The following SLC25A13 variants were observed in gnomAD, a reference collection of about 807,000 sequenced individuals.
SLC25A13 encodes electrogenic aspartate/glutamate antiporter SLC25A13, mitochondrial.
SLC25A13 carries 70 observed loss-of-function variants against 85.5 expected under a neutral mutation model. The observed-to-expected ratio is 0.82, with a 90% confidence interval of 0.68 to 1.00. SLC25A13 has a LOEUF of 1.00. Ranked by LOEUF, SLC25A13 falls within the 50% of genes least tolerant of loss-of-function variation. SLC25A13 has a pLI of 0.00. For synonymous variants in SLC25A13, 259 were observed against 288.7 expected (o/e 0.90, Z 1.04); for missense variants, 765 against 819.8 (o/e 0.93, Z 0.82).
chr7:96,297,865 C>G (rs1223171054), intron 1 of SLC25A13, among the ~76,000 whole-genome samples: 3 of 152,116 alleles, frequency 2.0e-5, no homozygotes, highest in African/African-American at 7.2e-5. Flanking sequence ...CTTTGAAGAG[C>G]AAAAATTGAC....
intron 1 of SLC25A13, among the ~76,000 whole-genome samples, chr7:96,298,497 AGTCT>A (rs2116998521): frequency 6.6e-6 from 1 of 151,898 alleles, no homozygotes; most frequent in African/African-American, 2.4e-5. Context: ...GCAATGATGC[AGTCT>A]TAGCTCACTG....
Position 96,322,047 on chromosome 7 carries a change from G to T in SLC25A13, c.-91C>A. On this transcript the variant is annotated 5_prime_UTR_variant, in exon 1 of 18. Transcript: ENST00000265631. Reference sequence around the variant, plus strand: ...CGGCTCACTTCTAGTCCCGGCGGCGGCGGCGGTGGGGGCGGCGATACGGCC... The same window carrying T: ...CGGCTCACTTCTAGTCCCGGCGGCGTCGGCGGTGGGGGCGGCGATACGGCC... 6.7e-7 allele frequency: 1 copy of T among 1,494,904 alleles called. No homozygotes were observed. The highest frequency in any genetic ancestry group is 9.0e-7 in the Non-Finnish European group (1 of 1,113,870). The allele number at this position is 1,494,904 out of a possible 1,614,324, so 92.6% of individuals were successfully genotyped here.
chr7:96,256,895 C>T (rs999539205), intron 3 of SLC25A13, among the ~76,000 whole-genome samples: 1 of 152,188 alleles, frequency 6.6e-6, no homozygotes, highest in African/African-American at 2.4e-5. Flanking sequence ...CAAAGTAGAA[C>T]TCAGGATCAA....
intron 9 of SLC25A13, 51 bp downstream of exon 9, chr7:96,189,243 G>GGTAT (rs1363057620): frequency 6.6e-7 from 1 of 1,520,532 alleles, no homozygotes; most frequent in African/African-American, 1.4e-5. Flanking sequence ...ACAGGGTTGG[G>GGTAT]GTATCCTGCT....
intron 11 of SLC25A13, among the ~76,000 whole-genome samples, chr7:96,180,529 A>G (rs1794381385): frequency 6.6e-6 from 1 of 152,212 alleles, no homozygotes; most frequent in African/African-American, 2.4e-5. Context: ...GAGTTTGGCC[A>G]TGTTGGCCAG....
chr7:96,320,251 C>T (rs1288490687), intron 1 of SLC25A13, among the ~76,000 whole-genome samples: 2 of 152,172 alleles, frequency 1.3e-5, no homozygotes, highest in African/African-American at 2.4e-5. Context: ...AACTGACCCG[C>T]CCGCCCCAGC....
At chr7:96,144,092 C>T (rs774774196) in intron 14 of SLC25A13, among the ~76,000 whole-genome samples, 1 of 152,158 alleles carries the variant, frequency 6.6e-6, no homozygotes, top group Non-Finnish European at 1.5e-5. Flanking sequence ...ACACATTAAA[C>T]TACAAAGCAA....
chr7:96,247,099 G>C (rs972149546), intron 3 of SLC25A13, among the ~76,000 whole-genome samples: 4 of 152,184 alleles, frequency 2.6e-5, no homozygotes, highest in African/African-American at 9.6e-5. Flanking sequence ...TATGCTTAAA[G>C]ATGCTGAAAT....
intron 4 of SLC25A13, among the ~76,000 whole-genome samples, chr7:96,221,502 G>A (rs911687854): frequency 6.6e-6 from 1 of 152,100 alleles, no homozygotes; most frequent in African/African-American, 2.4e-5. Context: ...CGTTTCTTCT[G>A]ATTCTTCACC....
intron 1 of SLC25A13, among the ~76,000 whole-genome samples, chr7:96,308,573 T>C (rs1285174812): frequency 6.6e-6 from 1 of 152,114 alleles, no homozygotes; most frequent in Non-Finnish European, 1.5e-5. Flanking sequence ...GAGTTAATCT[T>C]TAAAAGGAGA....
At chr7:96,190,153 C>T (rs1794789067) in intron 7 of SLC25A13, among the ~76,000 whole-genome samples, 2 of 148,064 alleles carry the variant, frequency 1.4e-5, no homozygotes, top group South Asian at 4.2e-4. Flanking sequence ...GGTGCAATCT[C>T]GGTTCACTAC....
chr7:96,237,701 T>C (rs1034677444), intron 3 of SLC25A13, among the ~76,000 whole-genome samples: 1 of 151,938 alleles, frequency 6.6e-6, no homozygotes, highest in Admixed American at 6.5e-5. Context: ...GAAGAAAGGC[T>C]AGAGAAACAC....
chr7:96,239,067 A>G (rs1195451461), intron 3 of SLC25A13, among the ~76,000 whole-genome samples: 2 of 134,710 alleles, frequency 1.5e-5, no homozygotes, highest in African/African-American at 5.6e-5. Context: ...ATATATATAT[A>G]TGTATGTATG....
intron 2 of SLC25A13, among the ~76,000 whole-genome samples, chr7:96,294,024 C>G (rs894576620): frequency 1.3e-5 from 2 of 152,142 alleles, no homozygotes; most frequent in Non-Finnish European, 2.9e-5. Flanking sequence ...AGACTTGGAA[C>G]CAACCCAAAT....
chr7:96,266,746 C>T (rs1798054260), intron 3 of SLC25A13, among the ~76,000 whole-genome samples: 1 of 152,166 alleles, frequency 6.6e-6, no homozygotes, highest in African/African-American at 2.4e-5. Flanking sequence ...CAACCCCTCC[C>T]CTGCCCCATG....
rs183311438 is a variant in SLC25A13 at position 96,260,803 on chromosome 7, T to C, written c.212+16393A>G. Among the ~76,000 whole-genome samples, 23 of 152,134 alleles carry C rather than the reference T, an allele frequency of 1.5e-4. No homozygotes were observed. In the East Asian group the frequency reaches 4.4e-3, roughly 29 times the overall value. ...TTTTACACAGATTACTGCAGCACAG[T>C]CCTAATTTCCCTTTCTTCCACTGTC... On this transcript the variant is annotated intron_variant, in intron 3 of 17. Coordinates refer to ENST00000265631, the MANE Select transcript of SLC25A13 (RefSeq NM_014251.3).
intron 4 of SLC25A13, among the ~76,000 whole-genome samples, chr7:96,228,247 T>C (rs141662135): frequency 1.3e-5 from 2 of 152,352 alleles, no homozygotes; most frequent in African/African-American, 4.8e-5. Flanking sequence ...TAGAAACTTA[T>C]GTTCCTCAAG....
At chr7:96,168,129 A>G (rs1003115511) in intron 13 of SLC25A13, among the ~76,000 whole-genome samples, 5 of 143,570 alleles carry the variant, frequency 3.5e-5, no homozygotes. Context: ...AAAAAAAAAA[A>G]GCACGTGTGC....
intron 4 of SLC25A13, among the ~76,000 whole-genome samples, chr7:96,231,941 A>G (rs545875791): frequency 1.3e-4 from 20 of 152,124 alleles, no homozygotes; most frequent in Non-Finnish European, 2.5e-4. Context: ...GGTTGCAGAG[A>G]AAAAGGAACA....
Sources: gnomAD v4.1 joint callset for allele counts (sites outside exome capture counted in the v4.1 genomes callset) on GRCh38, gnomAD v4.1.1 for gene constraint, MANE v1.5 for transcripts, NCBI Gene and HGNC (gene_info 2026-07-23, HGNC 2026-07-21) for gene names.